Variants in STUM observed in about 807,000 individuals in gnomAD.
STUM encodes the protein protein stum homolog.
Under a neutral mutation model 15.3 loss-of-function variants are expected in STUM, and 8 were observed. The ratio of observed to expected loss-of-function variants is 0.52; its 90% CI spans 0.31 to 0.94. STUM has a LOEUF of 0.94. Among genes scored for constraint, STUM ranks in the 40% least tolerant of loss-of-function variants. The probability of loss-of-function intolerance (pLI) is 0.05; values close to 1 mark genes in which losing one functional copy is unlikely to be tolerated. For missense variants in STUM, 142 were observed against 204.9 expected (o/e 0.69, Z 1.87); for synonymous variants, 78 against 88.7 (o/e 0.88, Z 0.68).
At position 226,603,083 on chromosome 1, in the gene STUM, C is replaced by A. The variant is rs1668298969; in HGVS notation, c.*1043C>A. On this transcript the variant is annotated 3_prime_UTR_variant, in exon 4 of 4. Transcript: ENST00000366788. ...CTCACCTCAGTTCAGTCTAATTTTG[C>A]CACTAAGTAACTTAGGGAAAAACTT... 1 of 152,176 alleles carries A rather than the reference C, an allele frequency of 6.6e-6. No homozygotes were observed. Among genetic ancestry groups the A allele is most frequent in the Admixed American group, 6.6e-5 (1 of 15,266 alleles). 9.4% of individuals were successfully genotyped at this position (152,176 alleles called of 1,614,324 possible). A position where few individuals can be genotyped will look rare whatever the true frequency, so the allele number is the denominator to read the frequency against.
intron 1 of STUM, among the ~76,000 whole-genome samples, chr1:226,554,780 T>C (rs1436276219): frequency 6.6e-6 from 1 of 152,166 alleles, no homozygotes; most frequent in East Asian, 1.9e-4. Context: ...CCTCTCCTGA[T>C]CCATTATCCC....
intron 1 of STUM, among the ~76,000 whole-genome samples, chr1:226,591,162 A>T (rs1464306362): frequency 6.6e-6 from 1 of 152,240 alleles, no homozygotes; most frequent in Non-Finnish European, 1.5e-5. Flanking sequence ...TTACTGCTGA[A>T]GAGATTAAAA....
intron 1 of STUM, among the ~76,000 whole-genome samples, chr1:226,571,589 G>A (rs1667712507): frequency 6.6e-6 from 1 of 152,036 alleles, no homozygotes. Context: ...ATGCCCCAGG[G>A]GGTTTGTGGA....
At chr1:226,573,743 C>T (rs564934149) in intron 1 of STUM, among the ~76,000 whole-genome samples, 1 of 152,138 alleles carries the variant, frequency 6.6e-6, no homozygotes, top group East Asian at 1.9e-4. Flanking sequence ...AGCAAATGAA[C>T]ATATCCATCT....
intron 1 of STUM, 28 bp from the exon 2 acceptor site, chr1:226,596,774 G>A (rs770146224): frequency 6.3e-7 from 1 of 1,597,054 alleles, no homozygotes; most frequent in Non-Finnish European, 8.6e-7. Context: ...AGTGCCCTCA[G>A]AAGGCTGTCC....
intron 1 of STUM, among the ~76,000 whole-genome samples, chr1:226,560,078 G>A (rs1170398632): frequency 2.6e-5 from 4 of 152,222 alleles, no homozygotes; most frequent in Admixed American, 2.0e-4. Flanking sequence ...GGTGGAGGTT[G>A]CAGTGAGCTG....
At chr1:226,551,495 C>G (rs1044509508) in intron 1 of STUM, among the ~76,000 whole-genome samples, 1 of 152,240 alleles carries the variant, frequency 6.6e-6, no homozygotes, top group Non-Finnish European at 1.5e-5. Flanking sequence ...TATTGCCCCC[C>G]TTCCCCAGGA....
chr1:226,586,177 G>T (rs1343927606), intron 1 of STUM, among the ~76,000 whole-genome samples: 2 of 152,146 alleles, frequency 1.3e-5, no homozygotes, highest in South Asian at 4.1e-4. Context: ...AGGACTTAAG[G>T]GTTCAGGGTG....
chr1:226,586,876 A>G (rs1668006689), intron 1 of STUM, among the ~76,000 whole-genome samples: 1 of 152,160 alleles, frequency 6.6e-6, no homozygotes. Flanking sequence ...CTCAAGGGCC[A>G]CTGCATTGTC....
chr1:226,549,160 T>C lies in STUM; in HGVS notation c.202+54T>C, dbSNP rs1667326373. On this transcript the variant is annotated intron_variant, in intron 1 of 3. Transcript: ENST00000366788. The surrounding 1 kb of genome is among the most constrained non-coding windows in gnomAD (Gnocchi z 6.8). ...ACCCCCACCCCGCCGCGGGAGGGCG[T>C]GGGGGGAGAGAAGGGCGCGGCCGGA... is the stretch of plus-strand genomic sequence containing the variant. 1.1e-5 allele frequency: 16 copies of C among 1,485,838 alleles called. No homozygotes were observed. Among genetic ancestry groups the C allele is most frequent in the Middle Eastern group, 3.5e-4 (2 of 5,658 alleles). The allele number at this position is 1,485,838 out of a possible 1,614,324, so 92.0% of individuals were successfully genotyped here.
At chr1:226,558,037 A>G (rs1204119479) in intron 1 of STUM, among the ~76,000 whole-genome samples, 1 of 152,222 alleles carries the variant, frequency 6.6e-6, no homozygotes, top group Non-Finnish European at 1.5e-5. Flanking sequence ...GTTATACTCA[A>G]CGTGAAAAGT....
rs1571790695 is a variant in STUM, at chr1:226,552,024, T to C, written c.202+2918T>C. Among the ~76,000 whole-genome samples the C allele has an allele frequency of 6.6e-6, 1 of 152,326 alleles. No homozygotes were observed. The highest frequency in any genetic ancestry group is 1.9e-4 in the East Asian group (1 of 5,192). Reference sequence around the variant, plus strand: ...GAAACTTCCTTCCCTGCAAGTCCTCTCCTGGATTGCAGATTGGATGAGAGG... The same window carrying C: ...GAAACTTCCTTCCCTGCAAGTCCTCCCCTGGATTGCAGATTGGATGAGAGG... On this transcript the variant is annotated intron_variant, in intron 1 of 3. Coordinates refer to ENST00000366788, the MANE Select transcript of STUM (RefSeq NM_001003665.4). The surrounding 1 kb of genome is among the most constrained non-coding windows in gnomAD (Gnocchi z 4.7).
chr1:226,590,094 A>C (rs550355149), intron 1 of STUM, among the ~76,000 whole-genome samples: 1 of 146,072 alleles, frequency 6.8e-6, no homozygotes, highest in African/African-American at 2.5e-5. Flanking sequence ...CCTTCCCCCC[A>C]CCATCCCCTT....
At chr1:226,561,739 C>T (rs1031163526) in intron 1 of STUM, among the ~76,000 whole-genome samples, 1 of 152,094 alleles carries the variant, frequency 6.6e-6, no homozygotes, top group Middle Eastern at 3.2e-3. Flanking sequence ...AAATCTAAGT[C>T]TAAGGGGAAG....
Position 226,581,249 on chromosome 1 carries a change from C to T in STUM, c.203-15553C>T, listed in dbSNP as rs188687328. ...GACTCTAGATGAGTAGCTAAATGCC[C>T]AGGAGTCAAAGGGAAGGGATTTGGG... On this transcript the variant is annotated intron_variant, in intron 1 of 3. Coordinates refer to ENST00000366788, the MANE Select transcript of STUM (RefSeq NM_001003665.4). Among the ~76,000 whole-genome samples, 11 of 152,286 alleles carry T rather than the reference C, an allele frequency of 7.2e-5. No individual in the cohort carries two copies. In the East Asian group the frequency reaches 1.2e-3, roughly 16 times the overall value.
At chr1:226,594,030 G>A (rs1356787187) in intron 1 of STUM, among the ~76,000 whole-genome samples, 3 of 152,256 alleles carry the variant, frequency 2.0e-5, no homozygotes, top group Non-Finnish European at 4.4e-5. Flanking sequence ...AGGGGCTGGA[G>A]GGATGAAGGT....
intron 1 of STUM, among the ~76,000 whole-genome samples, chr1:226,590,115 C>G (rs1418989187): frequency 6.6e-6 from 1 of 151,978 alleles, no homozygotes; most frequent in Non-Finnish European, 1.5e-5. Flanking sequence ...CTCATTTTAC[C>G]GAGAACCTTC....
At chr1:226,590,144 C>T (rs1349799484) in intron 1 of STUM, among the ~76,000 whole-genome samples, 1 of 152,048 alleles carries the variant, frequency 6.6e-6, no homozygotes, top group African/African-American at 2.4e-5. Context: ...TTATCCCCTA[C>T]TTGGTTATGT....
chr1:226,577,340 C>G (rs896487113), intron 1 of STUM, among the ~76,000 whole-genome samples: 11 of 150,898 alleles, frequency 7.3e-5, no homozygotes, highest in African/African-American at 2.7e-4. Context: ...AAAAGCAAAG[C>G]AAACCCGGTT....
Sources: gnomAD v4.1 joint callset for allele counts (sites outside exome capture counted in the v4.1 genomes callset) on GRCh38, gnomAD v4.1.1 for gene constraint, Gnocchi (gnomAD v3.1) non-coding constraint, MANE v1.5 for transcripts, NCBI Gene and HGNC (gene_info 2026-07-23, HGNC 2026-07-21) for gene names.